IMMP2L: variants seen among roughly 807,000 people sequenced by gnomAD.
IMMP2L encodes inner mitochondrial membrane peptidase subunit 2, also known as mitochondrial inner membrane protease subunit 2.
A neutral mutation model predicts 19.3 loss-of-function variants in IMMP2L; 18 were observed. The observed-to-expected ratio is 0.93, with a 90% confidence interval of 0.64 to 1.38. The LOEUF (loss-of-function observed/expected upper bound fraction) is 1.38, where lower values mean the gene tolerates loss of function less well. Among genes scored for constraint, IMMP2L ranks in the 40% most tolerant of loss-of-function variants. The probability of loss-of-function intolerance (pLI) is 0.00; values close to 1 mark genes in which losing one functional copy is unlikely to be tolerated. For missense variants in IMMP2L, 233 were observed against 218.2 expected, an observed-to-expected ratio of 1.07 and a Z score of -0.43; for synonymous variants, 76 against 73.0, an observed-to-expected ratio of 1.04 and a Z score of -0.21.
At chr7:111,108,075 A>G (rs944088962) in intron 3 of IMMP2L, among the ~76,000 whole-genome samples, 11 of 152,068 alleles carry the variant, frequency 7.2e-5, no homozygotes, top group Admixed American at 7.2e-4. Context: ...GTTTTCTCCT[A>G]AAGTACAGTG....
chr7:111,556,300 A>G (rs982206614), intron 1 of IMMP2L, among the ~76,000 whole-genome samples: 1 of 151,922 alleles, frequency 6.6e-6, no homozygotes, highest in Admixed American at 6.6e-5. Context: ...AGTAGATTTT[A>G]GCTACTCTTG....
chr7:110,665,718 C>T (rs1791402584), intron 5 of IMMP2L, among the ~76,000 whole-genome samples: 1 of 152,184 alleles, frequency 6.6e-6, no homozygotes, highest in Admixed American at 6.5e-5. Context: ...AATATCGGTG[C>T]ATCTCATTGT....
At chr7:111,196,359 G>T (rs1289028599) in intron 3 of IMMP2L, among the ~76,000 whole-genome samples, 1 of 151,838 alleles carries the variant, frequency 6.6e-6, no homozygotes, top group South Asian at 2.1e-4. Context: ...AGAATCAAAC[G>T]ATAAAAATCA....
intron 3 of IMMP2L, among the ~76,000 whole-genome samples, chr7:111,406,860 A>G (rs1439551474): frequency 6.6e-6 from 1 of 152,062 alleles, no homozygotes; most frequent in Admixed American, 6.6e-5. Flanking sequence ...AAGGGAGTGA[A>G]GGAAGCAGGA....
At chr7:111,060,232 C>T (rs140960459) in intron 3 of IMMP2L, among the ~76,000 whole-genome samples, 1 of 152,312 alleles carries the variant, frequency 6.6e-6, no homozygotes, top group East Asian at 1.9e-4. Context: ...GAAATAGTCA[C>T]TCATTTATCT....
chr7:111,179,661 C>T (rs912590469), intron 3 of IMMP2L, among the ~76,000 whole-genome samples: 1 of 152,040 alleles, frequency 6.6e-6, no homozygotes, highest in Non-Finnish European at 1.5e-5. Flanking sequence ...AGAGAGTGAG[C>T]CTGTCCTTTG....
rs748932066 is a variant in IMMP2L at position 111,434,800 on chromosome 7, C to T, written c.239+52438G>A. The stretch of plus-strand genomic sequence containing the variant: ...AACTCTTGACCTCCGGTGATCCACC[C>T]GCCTCGGCCTCCCAAAGTGCTGGGA... On this transcript the variant is annotated intron_variant, in intron 3 of 5. Coordinates refer to ENST00000405709, the MANE Select transcript of IMMP2L (RefSeq NM_032549.4). Among the ~76,000 whole-genome samples, 110 of 151,736 alleles carry T rather than the reference C, an allele frequency of 7.2e-4. 1 individual carries two copies. The highest frequency in any genetic ancestry group is 1.3e-3 in the Non-Finnish European group (91 of 68,008).
intron 3 of IMMP2L, among the ~76,000 whole-genome samples, chr7:111,019,813 G>A (rs2129566204): frequency 6.6e-6 from 1 of 152,120 alleles, no homozygotes. Flanking sequence ...AAAAATTCTT[G>A]GAAGTAAGGG....
At chr7:111,423,259 T>C (rs934266337) in intron 3 of IMMP2L, among the ~76,000 whole-genome samples, 1 of 151,932 alleles carries the variant, frequency 6.6e-6, no homozygotes, top group Admixed American at 6.6e-5. Context: ...TCCCTCTTTT[T>C]CTATTGAATG....
chr7:111,345,847 T>C (rs540427250), intron 3 of IMMP2L, among the ~76,000 whole-genome samples: 1 of 152,278 alleles, frequency 6.6e-6, no homozygotes, highest in Non-Finnish European at 1.5e-5. Context: ...GTGAAAAACC[T>C]ACCTAAACTC....
intron 3 of IMMP2L, among the ~76,000 whole-genome samples, chr7:111,076,376 C>T (rs146842507): frequency 6.6e-6 from 1 of 152,280 alleles, no homozygotes; most frequent in East Asian, 1.9e-4. Flanking sequence ...AAGCTGTGAT[C>T]TATGGTTGGT....
intron 3 of IMMP2L, among the ~76,000 whole-genome samples, chr7:111,285,534 A>G (rs1390715654): frequency 6.6e-6 from 1 of 152,122 alleles, no homozygotes; most frequent in East Asian, 1.9e-4. Context: ...AACTTAAGGG[A>G]GAAAAAAAGC....
intron 1 of IMMP2L, among the ~76,000 whole-genome samples, chr7:111,549,097 A>AT (rs1255776367): frequency 2.0e-5 from 3 of 152,100 alleles, no homozygotes; most frequent in Non-Finnish European, 2.9e-5. Flanking sequence ...AAATACAGTC[A>AT]TTTTTTTCTC....
chr7:110,768,065 T>C (rs1026256300), intron 5 of IMMP2L, among the ~76,000 whole-genome samples: 2 of 152,114 alleles, frequency 1.3e-5, no homozygotes, highest in African/African-American at 4.8e-5. Flanking sequence ...GATAAACGCA[T>C]ACTTAAGAGT....
At chr7:111,522,790 T>C (rs1415681584) in intron 1 of IMMP2L, among the ~76,000 whole-genome samples, 1 of 151,962 alleles carries the variant, frequency 6.6e-6, no homozygotes, top group Non-Finnish European at 1.5e-5. Flanking sequence ...TAGGAATATA[T>C]CCAAAGGAAC....
At chr7:111,062,404 A>T (rs1794101568) in intron 3 of IMMP2L, among the ~76,000 whole-genome samples, 3 of 152,178 alleles carry the variant, frequency 2.0e-5, no homozygotes, top group African/African-American at 7.2e-5. Flanking sequence ...GACACATGGG[A>T]ACTATGGGAG....
At chr7:110,794,047 G>A (rs1800677781) in intron 5 of IMMP2L, among the ~76,000 whole-genome samples, 2 of 152,046 alleles carry the variant, frequency 1.3e-5, no homozygotes, top group African/African-American at 4.8e-5. Flanking sequence ...TTCATTGCTG[G>A]TAGAAATGCA....
At chr7:111,277,416 T>A (rs532598450) in intron 3 of IMMP2L, among the ~76,000 whole-genome samples, 1 of 152,100 alleles carries the variant, frequency 6.6e-6, no homozygotes, top group Non-Finnish European at 1.5e-5. Flanking sequence ...CCAGTCAGAA[T>A]GACTATTAAA....
At chr7:111,028,864 G>A (rs879297750) in intron 3 of IMMP2L, among the ~76,000 whole-genome samples, 7 of 152,126 alleles carry the variant, frequency 4.6e-5, no homozygotes, top group Admixed American at 3.9e-4. Context: ...AATCTTATGA[G>A]CAAGACTGTG....
Sources: gnomAD v4.1 joint callset for allele counts (sites outside exome capture counted in the v4.1 genomes callset) on GRCh38, gnomAD v4.1.1 for gene constraint, MANE v1.5 for transcripts, NCBI Gene and HGNC (gene_info 2026-07-23, HGNC 2026-07-21) for gene names.